The following CADM2 variants were observed in gnomAD, a reference collection of about 807,000 sequenced individuals.
CADM2 encodes immunoglobulin superfamily member 4D.
CADM2 carries 12 observed loss-of-function variants against 49.8 expected under a neutral mutation model. That is an observed-to-expected ratio of 0.24 (90% CI 0.15 to 0.39). The LOEUF (loss-of-function observed/expected upper bound fraction) is 0.39. Ranked by LOEUF, CADM2 falls within the 10% of genes least tolerant of loss-of-function variation. The probability of loss-of-function intolerance (pLI) is 1.00; values close to 1 mark genes in which losing one functional copy is unlikely to be tolerated. For missense variants in CADM2, 378 were observed against 492.3 expected, an observed-to-expected ratio of 0.77 and a Z score of 2.20; for synonymous variants, 214 against 175.4, an observed-to-expected ratio of 1.22 and a Z score of -1.74.
intron 1 of CADM2, among the ~76,000 whole-genome samples, chr3:85,383,256 C>A (rs2034004211): frequency 6.6e-6 from 1 of 151,992 alleles, no homozygotes; most frequent in African/African-American, 2.4e-5. Flanking sequence ...CTGGAGACTG[C>A]CTGATTCGTG....
chr3:85,564,656 T>C (rs1576814944), intron 1 of CADM2, among the ~76,000 whole-genome samples: 1 of 152,236 alleles, frequency 6.6e-6, no homozygotes, highest in East Asian at 1.9e-4. Context: ...AATTTTAACA[T>C]GCATACTTAT....
At chr3:86,044,703 A>G (rs1736419876) in intron 8 of CADM2, among the ~76,000 whole-genome samples, 1 of 152,190 alleles carries the variant, frequency 6.6e-6, no homozygotes, top group Admixed American at 6.5e-5. Flanking sequence ...CAGCCATCCC[A>G]TTACCAGGTA....
chr3:85,371,445 A>G (rs892331419), intron 1 of CADM2, among the ~76,000 whole-genome samples: 1 of 151,866 alleles, frequency 6.6e-6, no homozygotes, highest in Non-Finnish European at 1.5e-5. Flanking sequence ...CATTCTGTAC[A>G]TGTTTGTACC....
intron 8 of CADM2, among the ~76,000 whole-genome samples, chr3:86,061,162 A>G (rs1229405173): frequency 1.3e-5 from 2 of 152,132 alleles, no homozygotes; most frequent in Admixed American, 1.3e-4. Flanking sequence ...TTGAATTGTT[A>G]AAGACTCATG....
At chr3:85,113,493 C>T (rs2038531568) in intron 1 of CADM2, among the ~76,000 whole-genome samples, 1 of 151,934 alleles carries the variant, frequency 6.6e-6, no homozygotes. Flanking sequence ...CACTAACTTT[C>T]TTGGAATTAG....
At chr3:85,937,301 T>G (rs1197376635) in intron 7 of CADM2, among the ~76,000 whole-genome samples, 3 of 152,002 alleles carry the variant, frequency 2.0e-5, no homozygotes, top group Non-Finnish European at 4.4e-5. Flanking sequence ...CAATAATTTC[T>G]TATTTATTTT....
chr3:85,231,903 TG>T (rs2042297709), intron 1 of CADM2, among the ~76,000 whole-genome samples: 1 of 151,404 alleles, frequency 6.6e-6, no homozygotes, highest in Non-Finnish European at 1.5e-5. Flanking sequence ...TTAGTAGAGA[TG>T]GGGTTTCACC....
chr3:84,966,309 T>A (rs2030977117), intron 1 of CADM2, among the ~76,000 whole-genome samples: 1 of 152,048 alleles, frequency 6.6e-6, no homozygotes, highest in Admixed American at 6.6e-5. Context: ...TATATACACA[T>A]TTAAGTATGT....
intron 8 of CADM2, among the ~76,000 whole-genome samples, chr3:86,031,998 G>C (rs1160584918): frequency 6.6e-6 from 1 of 151,682 alleles, no homozygotes. Flanking sequence ...GGAGGATGTT[G>C]ACGGATCAAG....
chr3:85,167,711 A>G (rs558382709), intron 1 of CADM2, among the ~76,000 whole-genome samples: 1 of 152,218 alleles, frequency 6.6e-6, no homozygotes, highest in African/African-American at 2.4e-5. Flanking sequence ...GTTTGCGTTC[A>G]GTACTATTCA....
chr3:85,757,383 C>T (rs2069171203), intron 2 of CADM2, among the ~76,000 whole-genome samples: 2 of 151,978 alleles, frequency 1.3e-5, no homozygotes, highest in Non-Finnish European at 1.5e-5. Flanking sequence ...GGCTCATGTA[C>T]TTAAGGAGCT....
At chr3:85,709,499 C>T (rs1164577964) in intron 1 of CADM2, among the ~76,000 whole-genome samples, 2 of 152,082 alleles carry the variant, frequency 1.3e-5, no homozygotes, top group Non-Finnish European at 2.9e-5. Flanking sequence ...AATTTTCTGA[C>T]AAGTGCTGAA....
At chr3:85,037,679 T>C (rs745955461) in intron 1 of CADM2, among the ~76,000 whole-genome samples, 1 of 152,180 alleles carries the variant, frequency 6.6e-6, no homozygotes, top group Non-Finnish European at 1.5e-5. Context: ...TCTTTATGTT[T>C]GTCCCCTTTA....
At chr3:85,127,951 T>A (rs1405250757) in intron 1 of CADM2, among the ~76,000 whole-genome samples, 1 of 152,160 alleles carries the variant, frequency 6.6e-6, no homozygotes. Context: ...TTAAATTTAA[T>A]TAAATAAAAT....
intron 1 of CADM2, among the ~76,000 whole-genome samples, chr3:85,178,830 T>C (rs925012575): frequency 6.6e-6 from 1 of 151,826 alleles, no homozygotes; most frequent in Non-Finnish European, 1.5e-5. Flanking sequence ...TACGTTTACT[T>C]CTGAAAGTTC....
At chr3:85,780,194 G>C (rs566527799) in intron 2 of CADM2, among the ~76,000 whole-genome samples, 4 of 151,958 alleles carry the variant, frequency 2.6e-5, no homozygotes, top group Non-Finnish European at 4.4e-5. Flanking sequence ...GAAAAATAAG[G>C]GTGTGACTAG....
intron 3 of CADM2, among the ~76,000 whole-genome samples, chr3:85,805,196 G>A (rs1413153028): frequency 6.6e-6 from 1 of 151,974 alleles, no homozygotes; most frequent in African/African-American, 2.4e-5. Context: ...CTCCTGCCTT[G>A]GCCTCTCAAA....
chr3:85,367,091 T>A (rs1576427821), intron 1 of CADM2, among the ~76,000 whole-genome samples: 1 of 152,162 alleles, frequency 6.6e-6, no homozygotes, highest in Middle Eastern at 3.4e-3. Context: ...TGTGTCCAAT[T>A]AATTATCGGT....
chr3:85,155,928 C>T (rs532673185), intron 1 of CADM2, among the ~76,000 whole-genome samples: 41 of 152,200 alleles, frequency 2.7e-4, no homozygotes, highest in Middle Eastern at 6.8e-3. Flanking sequence ...ATCTCTGGGA[C>T]GCATTCAAAG....
Sources: allele counts gnomAD v4.1 joint callset (sites outside exome capture counted in the v4.1 genomes callset), GRCh38; gene constraint gnomAD v4.1.1; transcripts MANE v1.5; gene names NCBI Gene and HGNC (gene_info 2026-07-23, HGNC 2026-07-21).